The following TAFA1 variants were observed in gnomAD, a reference collection of about 807,000 sequenced individuals.
The protein encoded by TAFA1 is chemokine-like protein TAFA-1.
TAFA1 carries 4 observed loss-of-function variants against 18.5 expected under a neutral mutation model. The observed-to-expected ratio is 0.22, with a 90% CI of 0.11 to 0.49. The LOEUF (loss-of-function observed/expected upper bound fraction) is 0.49. TAFA1 is among the 20% of genes least tolerant of loss of function. TAFA1 has a pLI of 0.98. For synonymous variants in TAFA1, 56 were observed against 55.2 expected, an observed-to-expected ratio of 1.01 and a Z score of -0.06; for missense variants, 147 against 169.0, an observed-to-expected ratio of 0.87 and a Z score of 0.72.
At chr3:68,428,003 A>G (rs1430469924) in intron 3 of TAFA1, among the ~76,000 whole-genome samples, 1 of 151,926 alleles carries the variant, frequency 6.6e-6, no homozygotes, top group Non-Finnish European at 1.5e-5. Flanking sequence ...TCTTTCATTT[A>G]TACATTACCC....
At position 68,347,690 on chromosome 3, in the gene TAFA1, G is replaced by A. The variant is rs567122715; in HGVS notation, c.119-69590G>A. Among the ~76,000 whole-genome samples, 4 of 152,366 alleles carry A rather than the reference G, an allele frequency of 2.6e-5. No homozygotes were observed. The South Asian group carries it at 8.3e-4, about 32-fold the overall frequency. On this transcript the variant is annotated intron_variant, in intron 2 of 4. Coordinates refer to ENST00000478136, the MANE Select transcript of TAFA1 (RefSeq NM_213609.4). ...TGCATTTGGCCCATAGGGCCACTGT[G>A]ATTCCAGCTCAGAAATCACTAGCTT...
At chr3:68,314,151 G>A (rs2106687473) in intron 2 of TAFA1, among the ~76,000 whole-genome samples, 1 of 152,138 alleles carries the variant, frequency 6.6e-6, no homozygotes, top group East Asian at 1.9e-4. Flanking sequence ...TTTTTCCTAT[G>A]GTAGTCTATG....
intron 2 of TAFA1, among the ~76,000 whole-genome samples, chr3:68,412,622 C>T (rs926038922): frequency 6.6e-6 from 1 of 152,066 alleles, no homozygotes; most frequent in Non-Finnish European, 1.5e-5. Flanking sequence ...TGAGAACATG[C>T]TGTGTTTGGT....
At chr3:68,013,543 G>C (rs555777069) in intron 2 of TAFA1, among the ~76,000 whole-genome samples, 207 of 152,250 alleles carry the variant, frequency 1.4e-3, no homozygotes, top group African/African-American at 4.5e-3. Flanking sequence ...GTTGTCTTGA[G>C]GGACTGAAGA....
At chr3:68,507,246 T>A (rs1264343028) in intron 3 of TAFA1, among the ~76,000 whole-genome samples, 1 of 151,882 alleles carries the variant, frequency 6.6e-6, no homozygotes, top group Non-Finnish European at 1.5e-5. Context: ...GCCCTAAAAC[T>A]AAACTAAAGA....
chr3:68,458,439 G>C (rs550234387), intron 3 of TAFA1, among the ~76,000 whole-genome samples: 11 of 152,260 alleles, frequency 7.2e-5, no homozygotes, highest in African/African-American at 2.4e-4. Context: ...TTAGTACATG[G>C]ACATTTGATA....
At chr3:68,365,898 A>C (rs2069559568) in intron 2 of TAFA1, among the ~76,000 whole-genome samples, 1 of 152,044 alleles carries the variant, frequency 6.6e-6, no homozygotes, top group Admixed American at 6.6e-5. Flanking sequence ...CCAACCAGCC[A>C]ACATAGTGAA....
chr3:68,089,037 G>C (rs537374600), intron 2 of TAFA1, among the ~76,000 whole-genome samples: 2 of 152,158 alleles, frequency 1.3e-5, no homozygotes, highest in Non-Finnish European at 2.9e-5. Flanking sequence ...GGAGTGTCCT[G>C]AGGTTTTCAT....
At position 68,129,141 on chromosome 3, in the gene TAFA1, T is replaced by A. The variant is rs150812722; in HGVS notation, c.118+122397T>A. ...GCGAGTGGGGCAGGAGGGGGTTTGTTGTCTTCTGTCTGGTACAGATAAGTT... is the reference window on the plus strand; with the variant it reads ...GCGAGTGGGGCAGGAGGGGGTTTGTAGTCTTCTGTCTGGTACAGATAAGTT... On this transcript the variant is annotated intron_variant, in intron 2 of 4. Transcript: ENST00000478136. Among the ~76,000 whole-genome samples the A allele has an allele frequency of 1.7e-3, 257 of 152,304 alleles. 1 individual carries two copies. Among genetic ancestry groups the A allele is most frequent in the African/African-American group, 5.8e-3 (240 of 41,560 alleles).
intron 2 of TAFA1, among the ~76,000 whole-genome samples, chr3:68,350,657 A>C (rs1007815305): frequency 3.3e-5 from 5 of 152,144 alleles, no homozygotes; most frequent in South Asian, 2.1e-4. Flanking sequence ...ATTCCTTTTT[A>C]ACAGAAAAAC....
chr3:68,112,550 C>T (rs1384393406), intron 2 of TAFA1, among the ~76,000 whole-genome samples: 2 of 152,040 alleles, frequency 1.3e-5, no homozygotes, highest in Admixed American at 6.6e-5. Context: ...TGACCCCCTC[C>T]CCATTCCCTT....
At chr3:68,221,994 C>A (rs1466700568) in intron 2 of TAFA1, among the ~76,000 whole-genome samples, 1 of 152,158 alleles carries the variant, frequency 6.6e-6, no homozygotes, top group Non-Finnish European at 1.5e-5. Flanking sequence ...AGAGCTTACT[C>A]CCTCAAGATG....
At chr3:68,508,221 C>A (rs545867457) in intron 3 of TAFA1, among the ~76,000 whole-genome samples, 9 of 149,212 alleles carry the variant, frequency 6.0e-5, no homozygotes, top group African/African-American at 9.8e-5. Context: ...CAGATCAGGG[C>A]CCCACCCATA....
chr3:68,103,317 T>C (rs1396705562), intron 2 of TAFA1, among the ~76,000 whole-genome samples: 3 of 152,190 alleles, frequency 2.0e-5, no homozygotes, highest in Non-Finnish European at 4.4e-5. Context: ...CCCAACATAT[T>C]TGAGGAGGAA....
intron 3 of TAFA1, among the ~76,000 whole-genome samples, chr3:68,437,409 A>C (rs1181008015): frequency 1.3e-5 from 2 of 152,198 alleles, no homozygotes; most frequent in Non-Finnish European, 2.9e-5. Flanking sequence ...GTAAGAGAAT[A>C]TCTGCATCTG....
chr3:68,391,434 C>T (rs2070243760), intron 2 of TAFA1, among the ~76,000 whole-genome samples: 1 of 152,172 alleles, frequency 6.6e-6, no homozygotes, highest in Non-Finnish European at 1.5e-5. Context: ...GGAAAATACT[C>T]TTCAGGATAT....
chr3:68,225,023 C>T (rs2066780059), intron 2 of TAFA1, among the ~76,000 whole-genome samples: 1 of 149,138 alleles, frequency 6.7e-6, no homozygotes, highest in South Asian at 2.1e-4. Flanking sequence ...ATTCTTCTGC[C>T]TCAGCCTCCC....
chr3:68,001,104 CT>C (rs1351180416), upstream of TAFA1, among the ~76,000 whole-genome samples: 2 of 152,066 alleles, frequency 1.3e-5, no homozygotes, highest in Non-Finnish European at 2.9e-5. Context: ...TACTTTGTTG[CT>C]ATAAAAATAT....
intron 3 of TAFA1, among the ~76,000 whole-genome samples, chr3:68,443,278 T>C (rs1330718863): frequency 1.3e-5 from 2 of 152,022 alleles, no homozygotes; most frequent in African/African-American, 4.8e-5. Flanking sequence ...AGCTACCTTT[T>C]TCCCTCACTA....
Sources: gnomAD v4.1 joint callset for allele counts (sites outside exome capture counted in the v4.1 genomes callset) on GRCh38, gnomAD v4.1.1 for gene constraint, MANE v1.5 for transcripts, NCBI Gene and HGNC (gene_info 2026-07-23, HGNC 2026-07-21) for gene names.